The following SLC25A26 variants were observed in gnomAD, a reference collection of about 807,000 sequenced individuals.
SLC25A26 encodes the protein solute carrier family 25 member 26.
A neutral mutation model predicts 37.8 loss-of-function variants in SLC25A26; 36 were observed. The ratio of observed to expected loss-of-function variants is 0.95; its 90% CI spans 0.73 to 1.26. The LOEUF is 1.26. SLC25A26 is among the 50% of genes most tolerant of loss of function. The pLI is 0.00. For missense variants in SLC25A26, 390 were observed against 331.1 expected (o/e 1.18, Z -1.38); for synonymous variants, 129 against 122.5 (o/e 1.05, Z -0.35).
At chr3:66,366,762 G>A (rs1037961147) in intron 7 of SLC25A26, among the ~76,000 whole-genome samples, 4 of 152,122 alleles carry the variant, frequency 2.6e-5, no homozygotes, top group African/African-American at 7.2e-5. Flanking sequence ...TTTAACAATT[G>A]GACAAATTTT....
chr3:66,288,650 A>G (rs1040664730), intron 5 of SLC25A26, among the ~76,000 whole-genome samples: 3 of 152,204 alleles, frequency 2.0e-5, no homozygotes, highest in Non-Finnish European at 4.4e-5. Context: ...TGCAAAGGAC[A>G]TGAACTCATC....
At chr3:66,209,278 G>C (rs1046885958) in intron 1 of SLC25A26, among the ~76,000 whole-genome samples, 16,083 of 137,060 alleles carry the variant, frequency 0.12, 1,043 homozygotes, top group East Asian at 0.28. Context: ...ATATATGTAT[G>C]TATATATAAT....
At chr3:66,243,161 A>G (rs1490919393) in intron 2 of SLC25A26, 42 bp from the exon 3 acceptor site, 5 of 925,352 alleles carry the variant, frequency 5.4e-6, no homozygotes, top group South Asian at 1.4e-5. Flanking sequence ...GTGTGAATAT[A>G]TGTTTAAACT....
At chr3:66,335,698 C>G (rs1048406850) in intron 5 of SLC25A26, among the ~76,000 whole-genome samples, 7 of 152,146 alleles carry the variant, frequency 4.6e-5, no homozygotes, top group Non-Finnish European at 7.3e-5. Context: ...GAGAAGTAAG[C>G]CAGACACCTC....
intron 1 of SLC25A26, among the ~76,000 whole-genome samples, chr3:66,190,034 G>A (rs1316695851): frequency 1.4e-4 from 21 of 152,174 alleles, no homozygotes; most frequent in Non-Finnish European, 8.8e-5. Context: ...AGTTGAGGCT[G>A]GGTGCAGTGG....
chr3:66,274,934 A>G (rs921733281), intron 5 of SLC25A26, among the ~76,000 whole-genome samples: 12 of 152,130 alleles, frequency 7.9e-5, no homozygotes, highest in African/African-American at 4.8e-5. Context: ...TCATGCTGCT[A>G]TAAAGACACA....
chr3:66,265,589 A>C (rs1012017273), intron 5 of SLC25A26, among the ~76,000 whole-genome samples: 3 of 152,212 alleles, frequency 2.0e-5, no homozygotes, highest in African/African-American at 7.2e-5. Flanking sequence ...AAATTCATTG[A>C]AATCCCAAAT....
At chr3:66,298,132 T>C (rs1034932212) in intron 5 of SLC25A26, among the ~76,000 whole-genome samples, 4 of 152,232 alleles carry the variant, frequency 2.6e-5, no homozygotes, top group Non-Finnish European at 5.9e-5. Flanking sequence ...ATTTGTGTTA[T>C]ACACCCTCTG....
rs553708909 is a variant in SLC25A26 at position 66,348,630 on chromosome 3, T to G, written c.498+2222T>G. Among the ~76,000 whole-genome samples, 6 of 152,342 alleles carry G rather than the reference T, an allele frequency of 3.9e-5. No homozygotes were observed. The South Asian group carries it at 1.2e-3, about 32-fold the overall frequency. On this transcript the variant is annotated intron_variant, in intron 6 of 9. Coordinates refer to ENST00000354883, the MANE Select transcript of SLC25A26 (RefSeq NM_001379210.1). ...ATTATTTGTACTTGGAAATAAATTGTTGAGGTATATACTAAAGGATACTAA... is the reference window on the plus strand; with the variant it reads ...ATTATTTGTACTTGGAAATAAATTGGTGAGGTATATACTAAAGGATACTAA...
chr3:66,310,604 TTTG>T (rs1455895449), intron 5 of SLC25A26, among the ~76,000 whole-genome samples: 3 of 152,216 alleles, frequency 2.0e-5, no homozygotes, highest in Admixed American at 1.3e-4. Context: ...GTCTTTACAA[TTTG>T]TTGTTTTTGC....
chr3:66,249,311 G>T (rs1157329411), intron 3 of SLC25A26, among the ~76,000 whole-genome samples: 3 of 152,144 alleles, frequency 2.0e-5, no homozygotes, highest in Non-Finnish European at 4.4e-5. Flanking sequence ...AAGGCCGTTG[G>T]ACCCCCTTTG....
intron 1 of SLC25A26, among the ~76,000 whole-genome samples, chr3:66,145,134 A>T (rs2070096535): frequency 6.6e-6 from 1 of 152,212 alleles, no homozygotes; most frequent in South Asian, 2.1e-4. Context: ...TGAAAAAAAA[A>T]TCTATATTTC....
intron 6 of SLC25A26, among the ~76,000 whole-genome samples, chr3:66,346,975 T>C (rs1419907304): frequency 6.6e-6 from 1 of 151,908 alleles, no homozygotes; most frequent in Non-Finnish European, 1.5e-5. Context: ...GAGCAGAGTG[T>C]GGTGAGTTGT....
At chr3:66,276,881 C>T (rs1229445810) in intron 5 of SLC25A26, among the ~76,000 whole-genome samples, 4 of 147,458 alleles carry the variant, frequency 2.7e-5, no homozygotes, top group African/African-American at 5.0e-5. Flanking sequence ...CACTAGAGGG[C>T]GCACAATGCC....
chr3:66,360,249 C>T (rs1192568358), intron 6 of SLC25A26, among the ~76,000 whole-genome samples: 1 of 152,008 alleles, frequency 6.6e-6, no homozygotes, highest in Non-Finnish European at 1.5e-5. Context: ...TTTGATTATC[C>T]CTAAAAATGT....
chr3:66,158,892 A>G (rs2037342350), intron 1 of SLC25A26, among the ~76,000 whole-genome samples: 1 of 152,112 alleles, frequency 6.6e-6, no homozygotes, highest in Admixed American at 6.5e-5. Flanking sequence ...GCACACAAGC[A>G]GGATGCACTG....
At chr3:66,282,053 G>A (rs1237609891) in intron 5 of SLC25A26, among the ~76,000 whole-genome samples, 18 of 131,026 alleles carry the variant, frequency 1.4e-4, no homozygotes, top group Admixed American at 3.5e-4. Context: ...CGCCCAGGCC[G>A]GACTGCGGAC....
chr3:66,372,666 G>A (rs1031865764), intron 9 of SLC25A26, among the ~76,000 whole-genome samples: 9 of 152,150 alleles, frequency 5.9e-5, no homozygotes, highest in Non-Finnish European at 1.2e-4. Context: ...AGCAGCGGTC[G>A]TCACTTAAGG....
At chr3:66,223,757 A>T (rs970705233) in intron 1 of SLC25A26, among the ~76,000 whole-genome samples, 23 of 152,232 alleles carry the variant, frequency 1.5e-4, no homozygotes, top group African/African-American at 5.3e-4. Flanking sequence ...CTAAAGCTTC[A>T]TGAAGAGGAT....
Sources: allele counts gnomAD v4.1 joint callset (sites outside exome capture counted in the v4.1 genomes callset), GRCh38; gene constraint gnomAD v4.1.1; transcripts MANE v1.5; gene names NCBI Gene and HGNC (gene_info 2026-07-23, HGNC 2026-07-21).